The following OPHN1 variants were observed in gnomAD, a reference collection of about 807,000 sequenced individuals.
OPHN1 encodes the protein oligophrenin 1, also known as oligophrenin-1.
A neutral mutation model predicts 60.7 loss-of-function variants in OPHN1; 11 were observed. The observed-to-expected ratio is 0.18, with a 90% confidence interval of 0.11 to 0.30. The LOEUF is 0.30. Among genes scored for constraint, OPHN1 ranks in the 10% least tolerant of loss-of-function variants. OPHN1 has a pLI of 1.00. For missense variants in OPHN1, 449 were observed against 611.0 expected, an observed-to-expected ratio of 0.73 and a Z score of 2.80; for synonymous variants, 226 against 222.6, an observed-to-expected ratio of 1.02 and a Z score of -0.14.
intron 21 of OPHN1, among the ~76,000 whole-genome samples, chrX:68,055,562 A>C (rs2076869363): frequency 8.9e-6 from 1 of 112,075 alleles, no homozygotes; most frequent in African/African-American, 3.2e-5. Context: ...TCAAGGATCT[A>C]GAACTAGAAA....
chrX:68,333,671 G>GCACACACA (rs368691205), intron 2 of OPHN1, among the ~76,000 whole-genome samples: 1 of 107,362 alleles, frequency 9.3e-6, no homozygotes, highest in East Asian at 2.9e-4. Flanking sequence ...GCGCGTGCGT[G>GCACACACA]CACACACACA....
At chrX:68,428,554 C>T in intron 2 of OPHN1, among the ~76,000 whole-genome samples, 1 of 112,422 alleles carries the variant, frequency 8.9e-6, no homozygotes, top group South Asian at 3.7e-4. Context: ...CCATCTGTGA[C>T]TCATTCTGTA....
At chrX:68,266,627 G>A (rs1309855662) in intron 5 of OPHN1, among the ~76,000 whole-genome samples, 1 of 111,376 alleles carries the variant, frequency 9.0e-6, no homozygotes, top group Non-Finnish European at 1.9e-5. Context: ...CAACTAACGA[G>A]CAAAATCACT....
At chrX:68,223,601 C>G (rs1040003997) in intron 6 of OPHN1, among the ~76,000 whole-genome samples, 1 of 111,052 alleles carries the variant, frequency 9.0e-6, no homozygotes, top group Non-Finnish European at 1.9e-5. Flanking sequence ...ATAATGTACA[C>G]TATTCGGGTG....
At chrX:68,410,518 C>T (rs1201132182) in intron 2 of OPHN1, among the ~76,000 whole-genome samples, 1 of 108,601 alleles carries the variant, frequency 9.2e-6, no homozygotes, top group Non-Finnish European at 1.9e-5. Context: ...GCCAAGATAG[C>T]GCCACTGCAC....
intron 2 of OPHN1, among the ~76,000 whole-genome samples, chrX:68,370,440 G>T (rs746016067): frequency 1.8e-5 from 2 of 108,424 alleles, no homozygotes; most frequent in Non-Finnish European, 3.8e-5. Context: ...CGGGGAGGTG[G>T]AGGTTTCAGT....
At chrX:68,130,350 C>T (rs2077188686) in intron 15 of OPHN1, among the ~76,000 whole-genome samples, 1 of 111,398 alleles carries the variant, frequency 9.0e-6, no homozygotes, top group Non-Finnish European at 1.9e-5. Context: ...AATTGATTCT[C>T]CCTGTATTCA....
intron 2 of OPHN1, among the ~76,000 whole-genome samples, chrX:68,308,448 C>T (rs1042356834): frequency 9.2e-6 from 1 of 108,741 alleles, no homozygotes; most frequent in Non-Finnish European, 1.9e-5. Flanking sequence ...AAAAATCAGG[C>T]AGGCGTGGTG....
Position 68,192,800 on chromosome X carries a change from G to C in OPHN1, c.1276+119C>G, listed in dbSNP as rs971469630. The stretch of plus-strand genomic sequence containing the variant: ...GCAAGTATGTGTATGTTTTACTTTA[G>C]AAAATACTTTTTTCAACTATTCTAC... On this transcript the variant is annotated intron_variant, in intron 15 of 24. Coordinates refer to ENST00000355520, the MANE Select transcript of OPHN1 (RefSeq NM_002547.3). The C allele has an allele frequency of 2.9e-5, 18 of 612,718 alleles. No homozygotes were observed. The East Asian group carries it at 5.0e-4, about 17-fold the overall frequency. The allele number at this position is 612,718 out of a possible 1,213,427, so 50.5% of individuals were successfully genotyped here. A position where few individuals can be genotyped will look rare whatever the true frequency, so the allele number is the denominator to read the frequency against.
At chrX:68,091,532 T>C (rs1006817953) in intron 19 of OPHN1, among the ~76,000 whole-genome samples, 3 of 111,296 alleles carry the variant, frequency 2.7e-5, no homozygotes, top group Non-Finnish European at 5.7e-5. Flanking sequence ...TGCAAACCTG[T>C]TACCACTACC....
At chrX:68,227,306 C>G (rs965893066) in intron 6 of OPHN1, among the ~76,000 whole-genome samples, 2 of 110,452 alleles carry the variant, frequency 1.8e-5, no homozygotes, top group African/African-American at 3.3e-5. Context: ...AAAATAATAA[C>G]GGGAGACTTT....
At chrX:68,380,760 T>G (rs1405001744) in intron 2 of OPHN1, among the ~76,000 whole-genome samples, 1 of 111,754 alleles carries the variant, frequency 8.9e-6, no homozygotes, top group Non-Finnish European at 1.9e-5. Flanking sequence ...TTCTTAATCC[T>G]GAGTTCTAGT....
rs1569310668 is a variant in OPHN1 at position 68,426,554 on chromosome X, A to ATT, written c.154+6312_154+6313insAA. 1.4e-3 allele frequency among the ~76,000 whole-genome samples: 65 copies of ATT among 46,498 alleles called. 1 individual carries two copies. The highest frequency in any genetic ancestry group is 4.3e-3 in the African/African-American group (60 of 13,848). The allele number at this position is 46,498 out of a possible 115,157, so 40.4% of individuals were successfully genotyped here. On this transcript the variant is annotated intron_variant, in intron 2 of 24. Transcript: ENST00000355520. ...ATATTTTTTTTCTGACATCTGTTTT[A>ATT]TATATATATATATATACATACACAG... is the stretch of plus-strand genomic sequence containing the variant.
intron 18 of OPHN1, among the ~76,000 whole-genome samples, chrX:68,099,021 T>C (rs73634107): frequency 0.016 from 1,748 of 111,341 alleles, 50 homozygotes; most frequent in African/African-American, 0.055. Flanking sequence ...CTAACTTTTC[T>C]GGAGAAATCA....
chrX:68,325,176 C>A (rs1186759571), intron 2 of OPHN1, among the ~76,000 whole-genome samples: 1 of 110,824 alleles, frequency 9.0e-6, no homozygotes, highest in Non-Finnish European at 1.9e-5. Context: ...TCATGCAATT[C>A]TAATCTGTAG....
At chrX:68,248,330 G>A (rs930170817) in intron 5 of OPHN1, among the ~76,000 whole-genome samples, 2 of 110,297 alleles carry the variant, frequency 1.8e-5, no homozygotes, top group Non-Finnish European at 3.8e-5. Context: ...AATGGCAAAC[G>A]GGCATATGAA....
chrX:68,197,160 G>A, intron 12 of OPHN1, 26 bp downstream of exon 12: 1 of 1,131,430 alleles, frequency 8.8e-7, no homozygotes. Flanking sequence ...ATGCTGGGGA[G>A]GTTTCCCCAG....
chrX:68,114,077 C>T (rs191892657), intron 16 of OPHN1, among the ~76,000 whole-genome samples: 35 of 110,513 alleles, frequency 3.2e-4, no homozygotes, highest in African/African-American at 1.0e-3. Flanking sequence ...AAACCTCCAA[C>T]GAGCTAATAG....
At chrX:68,074,093 A>G (rs2076945070) in intron 19 of OPHN1, among the ~76,000 whole-genome samples, 1 of 111,934 alleles carries the variant, frequency 8.9e-6, no homozygotes, top group Admixed American at 9.5e-5. Flanking sequence ...TGCATACACT[A>G]TGGGATGATA....
Sources: gnomAD v4.1 joint callset for allele counts (sites outside exome capture counted in the v4.1 genomes callset) on GRCh38, gnomAD v4.1.1 for gene constraint, MANE v1.5 for transcripts, NCBI Gene and HGNC (gene_info 2026-07-23, HGNC 2026-07-21) for gene names.